Variants in NKD1 observed in about 807,000 individuals in gnomAD.
The protein encoded by NKD1 is NKD inhibitor of Wnt signaling pathway 1.
Under a neutral mutation model 56.0 loss-of-function variants are expected in NKD1, and 21 were observed. The ratio of observed to expected loss-of-function variants is 0.38; its 90% CI spans 0.27 to 0.54. The LOEUF is 0.54. Ranked by LOEUF, NKD1 falls within the 20% of genes least tolerant of loss-of-function variation. The probability of loss-of-function intolerance (pLI) is 0.82; values close to 1 mark genes in which losing one functional copy is unlikely to be tolerated. For missense variants in NKD1, 578 were observed against 642.7 expected (o/e 0.90, Z 1.09); for synonymous variants, 263 against 265.7 (o/e 0.99, Z 0.10).
At chr16:50,610,733 G>A (rs972542886) in intron 4 of NKD1, among the ~76,000 whole-genome samples, 13 of 152,202 alleles carry the variant, frequency 8.5e-5, no homozygotes, top group Non-Finnish European at 1.3e-4. Context: ...TTTAGCTCCC[G>A]CGTTGTTATG....
intron 6 of NKD1, 137 bp from the exon 7 acceptor site, chr16:50,630,049 T>C (rs1346700389): frequency 2.9e-6 from 2 of 689,288 alleles, no homozygotes; most frequent in African/African-American, 3.6e-5. Context: ...ACCTCAGACA[T>C]CCAGGTTTCT....
intron 3 of NKD1, chr16:50,575,377 C>A (rs1360292605): frequency 1.0e-6 from 1 of 980,964 alleles, no homozygotes; most frequent in African/African-American, 1.8e-5. Context: ...TTCAGAACAT[C>A]AGCGCGAGGG....
chr16:50,564,509 T>C (rs1203073091), intron 3 of NKD1, among the ~76,000 whole-genome samples: 1 of 152,186 alleles, frequency 6.6e-6, no homozygotes, highest in African/African-American at 2.4e-5. Flanking sequence ...AAATTATTAT[T>C]ATGGGGAAAC....
chr16:50,589,685 T>C (rs1376673817), intron 3 of NKD1, among the ~76,000 whole-genome samples: 1 of 147,002 alleles, frequency 6.8e-6, no homozygotes, highest in Admixed American at 6.7e-5. Flanking sequence ...GCTGAATGCT[T>C]TCTTTTCTTT....
chr16:50,583,421 C>T (rs1961161732), intron 3 of NKD1, among the ~76,000 whole-genome samples: 2 of 152,146 alleles, frequency 1.3e-5, no homozygotes, highest in Non-Finnish European at 2.9e-5. Flanking sequence ...CTTCCAGCCA[C>T]CCCTACCAAG....
intron 6 of NKD1, among the ~76,000 whole-genome samples, chr16:50,626,300 C>T (rs1288860239): frequency 6.6e-6 from 1 of 152,202 alleles, no homozygotes; most frequent in African/African-American, 2.4e-5. Context: ...ACACGTTCCT[C>T]GCCCTGGAGC....
chr16:50,559,720 G>C (rs1960582255), intron 3 of NKD1, among the ~76,000 whole-genome samples: 1 of 152,110 alleles, frequency 6.6e-6, no homozygotes, highest in Admixed American at 6.5e-5. Flanking sequence ...GGAAGAGGTA[G>C]GGAGGAGAAC....
intron 3 of NKD1, among the ~76,000 whole-genome samples, chr16:50,563,782 C>T (rs1960697413): frequency 6.9e-6 from 1 of 144,728 alleles, no homozygotes; most frequent in South Asian, 2.2e-4. Context: ...GGGCACAGCC[C>T]TGGATGCATG....
intron 3 of NKD1, among the ~76,000 whole-genome samples, chr16:50,584,990 C>T (rs1961196623): frequency 1.3e-5 from 2 of 152,214 alleles, no homozygotes; most frequent in South Asian, 2.1e-4. Context: ...CACCTGCTGC[C>T]GAGCCCAGGC....
intron 3 of NKD1, among the ~76,000 whole-genome samples, chr16:50,588,116 T>C (rs1165657040): frequency 3.9e-5 from 6 of 152,212 alleles, no homozygotes; most frequent in Admixed American, 1.3e-4. Context: ...GCTGGTGGCC[T>C]GGTACTGATG....
In NKD1 at chr16:50,633,652, G is replaced by A; in HGVS notation, c.1284G>A (p.Gly428=). The A allele has an allele frequency of 6.2e-7, 1 of 1,606,118 alleles. No homozygotes were observed. The highest frequency in any genetic ancestry group is 8.5e-7 in the Non-Finnish European group (1 of 1,176,926). The change falls in exon 10 of 10, where the codon GGG becomes GGA. Residue 428 remains glycine (G), a synonymous_variant. Transcript: ENST00000268459. The surrounding 1 kb of genome is among the most constrained non-coding windows in gnomAD (Gnocchi z 4.9). ...APLASGGPVL[G]REHLRELPAL... Reference sequence around the variant, plus strand: ...TGGCCTCAGGTGGCCCTGTCCTGGGGCGGGAGCACCTGCGGGAGCTGCCCG... The same window carrying A: ...TGGCCTCAGGTGGCCCTGTCCTGGGACGGGAGCACCTGCGGGAGCTGCCCG...
chr16:50,566,742 A>G (rs1419833443), intron 3 of NKD1, among the ~76,000 whole-genome samples: 1 of 152,206 alleles, frequency 6.6e-6, no homozygotes, highest in Non-Finnish European at 1.5e-5. Flanking sequence ...ACCCATTGCC[A>G]TTGGATCTTG....
In NKD1 at chr16:50,632,484, G is replaced by A; in HGVS notation, c.823+76G>A. The A allele has an allele frequency of 6.9e-7, 1 of 1,453,538 alleles. No individual in the cohort carries two copies. Among genetic ancestry groups the A allele is most frequent in the Non-Finnish European group, 9.6e-7 (1 of 1,039,698 alleles). 90.0% of individuals were successfully genotyped at this position (1,453,538 alleles called of 1,614,324 possible). A position where few individuals can be genotyped will look rare whatever the true frequency, so the allele number is the denominator to read the frequency against. On this transcript the variant is annotated intron_variant, in intron 9 of 9. Coordinates refer to ENST00000268459, the MANE Select transcript of NKD1 (RefSeq NM_033119.5). The surrounding 1 kb of genome is among the most constrained non-coding windows in gnomAD (Gnocchi z 4.1). ...GACGGGCCAGGCGGGCCGTGCGGGT[G>A]GTGTTCACTGCTACCCCAGGCTTCG...
Position 50,643,435 on chromosome 16 carries a change from T to C in NKD1, c.*9654T>C, listed in dbSNP as rs948772709. The C allele has an allele frequency of 6.6e-6, 1 of 152,288 alleles. No individual in the cohort carries two copies. Among genetic ancestry groups the C allele is most frequent in the African/African-American group, 2.4e-5 (1 of 41,466 alleles). 9.4% of individuals were successfully genotyped at this position (152,288 alleles called of 1,614,324 possible). ...ACCAGTCCTACTCCGTTGTCTGCCATTACTCCAGCCAAGTCCAGGGACACG... is the reference window on the plus strand; with the variant it reads ...ACCAGTCCTACTCCGTTGTCTGCCACTACTCCAGCCAAGTCCAGGGACACG... On this transcript the variant is annotated 3_prime_UTR_variant, in exon 10 of 10. Coordinates refer to ENST00000268459, the MANE Select transcript of NKD1 (RefSeq NM_033119.5).
intron 3 of NKD1, among the ~76,000 whole-genome samples, chr16:50,564,978 T>C (rs1371298621): frequency 6.6e-6 from 1 of 152,192 alleles, no homozygotes; most frequent in Non-Finnish European, 1.5e-5. Flanking sequence ...TTGTGCATGC[T>C]TATCCCTGCA....
rs763782719 is a variant in NKD1 at position 50,549,524 on chromosome 16, G to A, written c.161G>A (p.Arg54Gln). The A allele has an allele frequency of 1.2e-6, 2 of 1,607,090 alleles. No individual in the cohort carries two copies. Among genetic ancestry groups the A allele is most frequent in the Non-Finnish European group, 8.5e-7 (1 of 1,176,580 alleles). ...PGGVSGPRQL[R>Q]LAGTIGRSTR... ...GGTGTCTCGGGACCCCGACAGCTGC[G>A]GTTGGCGGGCACCATAGGCCGAAGC... is the stretch of plus-strand genomic sequence containing the variant. The change falls in exon 3 of 10, where the codon CGG (arginine) becomes CAG (glutamine). Residue 54 changes from arginine to glutamine, a missense_variant. Transcript: ENST00000268459.
chr16:50,595,212 C>T (rs984623828), intron 3 of NKD1, among the ~76,000 whole-genome samples: 2 of 152,140 alleles, frequency 1.3e-5, no homozygotes, highest in South Asian at 4.1e-4. Context: ...TGGCTCTGCT[C>T]CTCTTTGGCT....
chr16:50,596,126 C>T (rs1204592954), intron 3 of NKD1, among the ~76,000 whole-genome samples: 1 of 152,196 alleles, frequency 6.6e-6, no homozygotes, highest in Admixed American at 6.5e-5. Flanking sequence ...CAGTGAGAAG[C>T]AGGCATGGGT....
intron 4 of NKD1, among the ~76,000 whole-genome samples, chr16:50,609,332 C>A (rs1191175704): frequency 6.6e-6 from 1 of 152,222 alleles, no homozygotes; most frequent in Non-Finnish European, 1.5e-5. Context: ...CGGATGACAG[C>A]GTGAAGCAGA....
Sources: gnomAD v4.1 joint callset for allele counts (sites outside exome capture counted in the v4.1 genomes callset) on GRCh38, gnomAD v4.1.1 for gene constraint, Gnocchi (gnomAD v3.1) non-coding constraint, MANE v1.5 for transcripts, NCBI Gene and HGNC (gene_info 2026-07-23, HGNC 2026-07-21) for gene names.